The following DHCR24 variants were observed in gnomAD, a reference collection of about 807,000 sequenced individuals.
DHCR24 encodes 24-dehydrocholesterol reductase, also known as delta(24)-sterol reductase.
A neutral mutation model predicts 61.2 loss-of-function variants in DHCR24; 28 were observed. That is an observed-to-expected ratio of 0.46 (90% CI 0.34 to 0.63). The LOEUF is 0.63. Among genes scored for constraint, DHCR24 ranks in the 20% least tolerant of loss-of-function variants. The pLI, the probability that DHCR24 is intolerant of heterozygous loss-of-function variation, is 0.01. For synonymous variants in DHCR24, 261 were observed against 275.9 expected (o/e 0.95, Z 0.54); for missense variants, 538 against 679.1 (o/e 0.79, Z 2.31).
chr1:54,858,369 TCTTC>T (rs1462543008), intron 6 of DHCR24, among the ~76,000 whole-genome samples: 1 of 152,158 alleles, frequency 6.6e-6, no homozygotes, highest in African/African-American at 2.4e-5. Context: ...TTAGCTGAGG[TCTTC>T]CTTGTGACTG....
At chr1:54,854,433 G>A (rs1001750888) in intron 6 of DHCR24, among the ~76,000 whole-genome samples, 199 bp from the exon 7 acceptor site, 5 of 152,142 alleles carry the variant, frequency 3.3e-5, no homozygotes, top group African/African-American at 1.2e-4. Flanking sequence ...TCTGGCATTC[G>A]CCAGTAGTGA....
chr1:54,854,008 G>C, intron 7 of DHCR24, 29 bp downstream of exon 7: 1 of 1,592,952 alleles, frequency 6.3e-7, no homozygotes, highest in Non-Finnish European at 8.6e-7. Context: ...AATGCACCTG[G>C]TGCGCCCTCC....
At chr1:54,886,833 A>G in intron 1 of DHCR24, 56 bp downstream of exon 1, 1 of 1,561,306 alleles carries the variant, frequency 6.4e-7, no homozygotes. Flanking sequence ...GCGTCCCGCT[A>G]TCCCCGCGCA....
chr1:54,856,727 A>G (rs1478638011), intron 6 of DHCR24, among the ~76,000 whole-genome samples: 1 of 152,264 alleles, frequency 6.6e-6, no homozygotes, highest in Non-Finnish European at 1.5e-5. Flanking sequence ...TATACTTCGT[A>G]TATGTTATCT....
intron 5 of DHCR24, among the ~76,000 whole-genome samples, chr1:54,866,312 TTACA>T (rs1328548339): frequency 2.0e-5 from 3 of 152,014 alleles, no homozygotes; most frequent in African/African-American, 7.2e-5. Flanking sequence ...CTATTAGAAA[TTACA>T]TACATATGCC....
At position 54,858,220 on chromosome 1, in the gene DHCR24, G is replaced by C. The variant is rs377664511; in HGVS notation, c.1021-3986C>G. Among the ~76,000 whole-genome samples the C allele has an allele frequency of 1.0e-4, 16 of 152,388 alleles. No homozygotes were observed. The East Asian group carries it at 1.3e-3, about 13-fold the overall frequency. ...TGACACTCAGGGAGAACTGCCCTTGGCAGAAGGGAGCTGCCTCATCCAAGG... is the reference window on the plus strand; with the variant it reads ...TGACACTCAGGGAGAACTGCCCTTGCCAGAAGGGAGCTGCCTCATCCAAGG... On this transcript the variant is annotated intron_variant, in intron 6 of 8. Transcript: ENST00000371269.
chr1:54,871,831 C>T (rs1225273089), intron 4 of DHCR24, among the ~76,000 whole-genome samples: 1 of 152,032 alleles, frequency 6.6e-6, no homozygotes, highest in African/African-American at 2.4e-5. Context: ...TCTCAGGGAC[C>T]CTCACTGAGA....
chr1:54,876,309 G>A (rs1028947013), intron 2 of DHCR24, among the ~76,000 whole-genome samples: 6 of 152,132 alleles, frequency 3.9e-5, no homozygotes, highest in African/African-American at 1.4e-4. Context: ...AATTACAGGA[G>A]AAATACTCAT....
At chr1:54,885,388 G>A (rs1344967634) in intron 1 of DHCR24, among the ~76,000 whole-genome samples, 1 of 152,182 alleles carries the variant, frequency 6.6e-6, no homozygotes, top group African/African-American at 2.4e-5. Context: ...AGGTCAGACA[G>A]CTATTACAAG....
intron 1 of DHCR24, 91 bp downstream of exon 1, chr1:54,886,795 CCCG>C: frequency 6.5e-7 from 1 of 1,546,724 alleles, no homozygotes; most frequent in East Asian, 2.4e-5. Context: ...CCTGGCCGCC[CCCG>C]CACCGCAGCT....
At chr1:54,855,627 A>G (rs1432884719) in intron 6 of DHCR24, among the ~76,000 whole-genome samples, 1 of 152,176 alleles carries the variant, frequency 6.6e-6, no homozygotes, top group African/African-American at 2.4e-5. Flanking sequence ...TGACTCCCCA[A>G]AGCAGCCATG....
rs751521917 is a variant in DHCR24 at position 54,853,416 on chromosome 1, A to G, written c.1397+18T>C. On this transcript the variant is annotated intron_variant, in intron 8 of 8. Transcript: ENST00000371269. ...GGCTGTCAGCTAGAGGCAACATACT[A>G]TACTCTGGGCCACTCACCCATGCAC... 1.2e-5 allele frequency: 20 copies of G among 1,614,006 alleles called. No individual in the cohort carries two copies. In the South Asian group the frequency reaches 2.0e-4, roughly 16 times the overall value.
At chr1:54,867,167 A>C (rs998470396) in intron 5 of DHCR24, among the ~76,000 whole-genome samples, 3 of 152,132 alleles carry the variant, frequency 2.0e-5, no homozygotes, top group African/African-American at 4.8e-5. Context: ...CCAGCCCTTG[A>C]CTGCAAGCCA....
rs56319226 is a variant in DHCR24 at position 54,870,312 on chromosome 1, G to A, written c.876+1038C>T. ...TATACGTAAGTGGTTACACCCTGGC[G>A]TAAAGAGATGCACTTTAACTTTTTC... On this transcript the variant is annotated intron_variant, in intron 5 of 8. Coordinates refer to ENST00000371269, the MANE Select transcript of DHCR24 (RefSeq NM_014762.4). Among the ~76,000 whole-genome samples, 315 of 152,192 alleles carry A rather than the reference G, an allele frequency of 2.1e-3. 1 individual carries two copies. Among genetic ancestry groups the A allele is most frequent in the African/African-American group, 6.8e-3 (282 of 41,516 alleles).
At chr1:54,874,833 A>G (rs1047055418) in intron 4 of DHCR24, among the ~76,000 whole-genome samples, 1 of 149,936 alleles carries the variant, frequency 6.7e-6, no homozygotes, top group Admixed American at 6.6e-5. Context: ...TCTATTATTT[A>G]ATAATAATCT....
chr1:54,887,186 G>T lies in DHCR24; in HGVS notation c.-67C>A. 1 of 1,381,886 alleles carries T rather than the reference G, an allele frequency of 7.2e-7. No individual in the cohort carries two copies. Among genetic ancestry groups the T allele is most frequent in the Non-Finnish European group, 9.8e-7 (1 of 1,016,230 alleles). The allele number at this position is 1,381,886 out of a possible 1,614,324, so 85.6% of individuals were successfully genotyped here. A position where few individuals can be genotyped will look rare whatever the true frequency, so the allele number is the denominator to read the frequency against. On this transcript the variant is annotated 5_prime_UTR_variant, in exon 1 of 9. Transcript: ENST00000371269. ...TGTCACTGCCGCCAGCTCCGCGCCTGGCCCGCTCTGCGCCTGTAGCCCACA... is the reference window on the plus strand; with the variant it reads ...TGTCACTGCCGCCAGCTCCGCGCCTTGCCCGCTCTGCGCCTGTAGCCCACA...
rs1017242952 is a variant in DHCR24 at position 54,850,738 on chromosome 1, G to C, written c.*1495C>G. On this transcript the variant is annotated 3_prime_UTR_variant, in exon 9 of 9. Transcript: ENST00000371269. ...TCCTCTGACTTTCCACACAAATGAG[G>C]CTTTCCGTGGGTTTTGCAACCACAG... 1 of 152,210 alleles carries C rather than the reference G, an allele frequency of 6.6e-6. No individual in the cohort carries two copies. The highest frequency in any genetic ancestry group is 1.5e-5 in the Non-Finnish European group (1 of 68,044). 9.4% of individuals were successfully genotyped at this position (152,210 alleles called of 1,614,324 possible).
intron 5 of DHCR24, 134 bp downstream of exon 5, chr1:54,871,216 G>A (rs1046202475): frequency 2.1e-6 from 2 of 975,526 alleles, no homozygotes; most frequent in East Asian, 2.6e-5. Context: ...CCTGTTGCCT[G>A]TACCCCAGGT....
rs757572977 is a variant in DHCR24, at chr1:54,852,245, G to A, written c.1539C>T (p.Ala513=). 32 of 1,614,074 alleles carry A rather than the reference G, an allele frequency of 2.0e-5. No homozygotes were observed. The highest frequency in any genetic ancestry group is 2.5e-5 in the Non-Finnish European group (30 of 1,180,050). ...GGCGGGCTCCAGCTCAGTGCCTGGC[G>A]GCCTTGCAGATCTTGTCGTACACCT... ...FPEVYDKICK[A]ARH is the part of the protein sequence containing the mutation. Residue 513 remains alanine (A), a synonymous_variant, in exon 9 of 9, where the codon GCC becomes GCT. Coordinates refer to ENST00000371269, the MANE Select transcript of DHCR24 (RefSeq NM_014762.4).
Sources: gnomAD v4.1 joint callset for allele counts (sites outside exome capture counted in the v4.1 genomes callset) on GRCh38, gnomAD v4.1.1 for gene constraint, MANE v1.5 for transcripts, NCBI Gene and HGNC (gene_info 2026-07-23, HGNC 2026-07-21) for gene names.